SOCS5: variants seen among roughly 807,000 people sequenced by gnomAD.
SOCS5 encodes suppressor of cytokine signaling 5.
A neutral mutation model predicts 42.8 loss-of-function variants in SOCS5; 32 were observed. That is an observed-to-expected ratio of 0.75 (90% CI 0.56 to 1.01). The LOEUF (loss-of-function observed/expected upper bound fraction) is 1.01. SOCS5 is among the 50% of genes least tolerant of loss of function. SOCS5 has a pLI of 0.00. For missense variants in SOCS5, 627 were observed against 653.0 expected, an observed-to-expected ratio of 0.96 and a Z score of 0.43; for synonymous variants, 283 against 229.6, an observed-to-expected ratio of 1.23 and a Z score of -2.10.
chr2:46,727,112 G>C (rs1282700270), intron 1 of SOCS5, among the ~76,000 whole-genome samples: 1 of 125,962 alleles, frequency 7.9e-6, no homozygotes, highest in African/African-American at 2.9e-5. Context: ...AGACCAATTT[G>C]TTTCAAGAGT....
intron 1 of SOCS5, among the ~76,000 whole-genome samples, chr2:46,732,973 C>G (rs1320810664): frequency 6.6e-6 from 1 of 152,092 alleles, no homozygotes; most frequent in South Asian, 2.1e-4. Flanking sequence ...GTTTAAAAAT[C>G]GTGTGGTGAA....
intron 1 of SOCS5, among the ~76,000 whole-genome samples, chr2:46,745,757 C>G (rs958539004): frequency 6.6e-6 from 1 of 152,084 alleles, no homozygotes; most frequent in African/African-American, 2.4e-5. Flanking sequence ...AAATCTCTTT[C>G]GATTGTTTAT....
chr2:46,745,218 G>C (rs994006783), intron 1 of SOCS5, among the ~76,000 whole-genome samples: 15 of 152,126 alleles, frequency 9.9e-5, no homozygotes. Flanking sequence ...TCATCTTTGA[G>C]ACTGTTTAAA....
At chr2:46,710,386 C>A (rs907188902) in intron 1 of SOCS5, among the ~76,000 whole-genome samples, 2 of 152,142 alleles carry the variant, frequency 1.3e-5, no homozygotes, top group African/African-American at 4.8e-5. Flanking sequence ...ACCTCGTGAT[C>A]CACCCACCTC....
chr2:46,743,090 A>G (rs1244184889), intron 1 of SOCS5, among the ~76,000 whole-genome samples: 2 of 152,156 alleles, frequency 1.3e-5, no homozygotes, highest in Non-Finnish European at 2.9e-5. Context: ...TTAGTTTCAG[A>G]AAACTTGACT....
chr2:46,714,260 G>A (rs966300444), intron 1 of SOCS5, among the ~76,000 whole-genome samples: 4 of 152,092 alleles, frequency 2.6e-5, no homozygotes, highest in African/African-American at 9.7e-5. Context: ...TGCAGTTTTG[G>A]ATTTGTCTGT....
chr2:46,737,503 AAT>A (rs1673279744), intron 1 of SOCS5, among the ~76,000 whole-genome samples: 1 of 152,212 alleles, frequency 6.6e-6, no homozygotes, highest in South Asian at 2.1e-4. Context: ...GTTTGGTGAC[AAT>A]AATTATTTTT....
In SOCS5 at chr2:46,762,556, CAT is replaced by C. The variant is rs774201354; in HGVS notation, c.*2416_*2417del. On this transcript the variant is annotated 3_prime_UTR_variant, in exon 2 of 2. Transcript: ENST00000394861. ...CATGTATACACTGTGCTAAAAGTCA[CAT>C]GTTTCAGTTTGTGTATAATATTAAT... 4.2e-5 allele frequency: 7 copies of C among 166,356 alleles called. No homozygotes were observed. Among genetic ancestry groups the C allele is most frequent in the Admixed American group, 6.5e-5 (1 of 15,286 alleles). The allele number at this position is 166,356 out of a possible 1,614,324, so 10.3% of individuals were successfully genotyped here. A position where few individuals can be genotyped will look rare whatever the true frequency, so the allele number is the denominator to read the frequency against.
rs1231089119 is a variant in SOCS5 at position 46,714,563 on chromosome 2, C to CT, written c.-13+15121dup. On this transcript the variant is annotated intron_variant, in intron 1 of 1. Transcript: ENST00000394861. ...GTAGAGAATGTGTAGTTGGGTCTCA[C>CT]TTTTTTTATCTAGTCTGATAATCTC... is the stretch of plus-strand genomic sequence containing the variant. 2.0e-5 allele frequency among the ~76,000 whole-genome samples: 3 copies of CT among 152,100 alleles called. No homozygotes were observed. In the East Asian group the frequency reaches 5.8e-4, roughly 29 times the overall value.
rs1672303682 is a variant in SOCS5, at chr2:46,699,896, A to G, written c.-13+447A>G. Among the ~76,000 whole-genome samples the G allele has an allele frequency of 6.6e-6, 1 of 152,042 alleles. No individual in the cohort carries two copies. Among genetic ancestry groups the G allele is most frequent in the African/African-American group, 2.4e-5 (1 of 41,372 alleles). Reference sequence around the variant, plus strand: ...CGACCAAGTCACTTGGGGCTCCAAGAGCCCGATCTGGGGGTCTTCAAGGTC... The same window carrying G: ...CGACCAAGTCACTTGGGGCTCCAAGGGCCCGATCTGGGGGTCTTCAAGGTC... On this transcript the variant is annotated intron_variant, in intron 1 of 1. Coordinates refer to ENST00000394861, the MANE Select transcript of SOCS5 (RefSeq NM_144949.3). The surrounding 1 kb of genome is among the most constrained non-coding windows in gnomAD (Gnocchi z 4.8).
intron 1 of SOCS5, among the ~76,000 whole-genome samples, chr2:46,748,710 A>G (rs139825833): frequency 1.3e-5 from 2 of 152,312 alleles, no homozygotes; most frequent in African/African-American, 2.4e-5. Context: ...GATAAAAAGT[A>G]AAAAAGTTGT....
chr2:46,709,865 A>T (rs1572829633), intron 1 of SOCS5, among the ~76,000 whole-genome samples: 3 of 152,232 alleles, frequency 2.0e-5, no homozygotes, highest in African/African-American at 7.2e-5. Flanking sequence ...ATACTATTTT[A>T]AAATCCCTTG....
chr2:46,752,358 C>G (rs7573534), intron 1 of SOCS5, among the ~76,000 whole-genome samples: 7,280 of 152,062 alleles, frequency 0.048, 623 homozygotes, highest in African/African-American at 0.17. Flanking sequence ...CTAAAACCTT[C>G]CATGAAACCA....
At chr2:46,700,298 A>G (rs1672311677) in intron 1 of SOCS5, among the ~76,000 whole-genome samples, 1 of 152,176 alleles carries the variant, frequency 6.6e-6, no homozygotes, top group African/African-American at 2.4e-5. Flanking sequence ...TTTGTCAGTT[A>G]TCTTTTATTG....
intron 1 of SOCS5, among the ~76,000 whole-genome samples, chr2:46,740,932 C>G (rs531807335): frequency 5.3e-5 from 8 of 152,246 alleles, no homozygotes; most frequent in Admixed American, 4.6e-4. Context: ...TATGTCAGAA[C>G]CTTGCAACCA....
chr2:46,701,912 C>T (rs893359965), intron 1 of SOCS5, among the ~76,000 whole-genome samples: 2 of 150,552 alleles, frequency 1.3e-5, no homozygotes, highest in African/African-American at 4.9e-5. Context: ...GTTAGTGTGG[C>T]GGTTTTGTTA....
intron 1 of SOCS5, among the ~76,000 whole-genome samples, chr2:46,725,878 T>C (rs183888683): frequency 2.0e-5 from 3 of 152,232 alleles, no homozygotes; most frequent in Non-Finnish European, 4.4e-5. Context: ...AGAGTCTGAG[T>C]TGACAATTAT....
At position 46,758,946 on chromosome 2, in the gene SOCS5, A is replaced by C; in HGVS notation, c.416A>C (p.Asp139Ala). ...AAGACCCAGAGTTCATTGGATGCTGATAAAAAGTTTGGTAGAACTCGAAGT... is the reference window on the plus strand; with the variant it reads ...AAGACCCAGAGTTCATTGGATGCTGCTAAAAAGTTTGGTAGAACTCGAAGT... ...STKTQSSLDA[D>A]KKFGRTRSGL... Residue 139 changes from aspartate to alanine, a missense_variant, in exon 2 of 2, where the codon GAT becomes GCT. Asp to Ala is a moderately radical substitution (Grantham distance 126, BLOSUM62 -2). Transcript: ENST00000394861. 1 of 1,614,004 alleles carries C rather than the reference A, an allele frequency of 6.2e-7. No individual in the cohort carries two copies. Among genetic ancestry groups the C allele is most frequent in the South Asian group, 1.1e-5 (1 of 91,080 alleles).
At chr2:46,706,823 G>T (rs10172110) in intron 1 of SOCS5, among the ~76,000 whole-genome samples, 7,268 of 152,170 alleles carry the variant, frequency 0.048, 623 homozygotes, top group African/African-American at 0.17. Flanking sequence ...GTTGTGGATT[G>T]CAGGCAGAGG....
Sources: allele counts gnomAD v4.1 joint callset (sites outside exome capture counted in the v4.1 genomes callset), GRCh38; gene constraint gnomAD v4.1.1; non-coding constraint Gnocchi (gnomAD v3.1); transcripts MANE v1.5; gene names NCBI Gene and HGNC (gene_info 2026-07-23, HGNC 2026-07-21).